The following CACNA1B variants were observed in gnomAD, a reference collection of about 807,000 sequenced individuals.
CACNA1B encodes calcium voltage-gated channel subunit alpha1 B.
In CACNA1B, 70 loss-of-function variants were observed where a neutral mutation model predicts 247.2. That is an observed-to-expected ratio of 0.28 (90% CI 0.23 to 0.35). The LOEUF (loss-of-function observed/expected upper bound fraction) is 0.35, where lower values mean the gene tolerates loss of function less well. Among genes scored for constraint, CACNA1B ranks in the 10% least tolerant of loss-of-function variants. The pLI, the probability that CACNA1B is intolerant of heterozygous loss-of-function variation, is 1.00. For synonymous variants in CACNA1B, 1,231 were observed against 1,294.4 expected (o/e 0.95, Z 1.05); for missense variants, 2,367 against 3,197.4 (o/e 0.74, Z 6.26).
Position 138,120,370 on chromosome 9 carries a change from G to C in CACNA1B, c.6236G>C (p.Gly2079Ala). Residue 2079 changes from glycine to alanine, a missense_variant and splice_region_variant, in exon 45 of 47, where the codon GGC (glycine) becomes GCC (alanine). This residue lies in a region of CACNA1B where 773 missense variants were observed against 779.4 expected (regional missense o/e 0.99). Coordinates refer to ENST00000371372, the MANE Select transcript of CACNA1B (RefSeq NM_000718.4). ...KGPSLSADMD[G>A]APSSAVGPGL... ...CCCAGCCTGTCTGCCGATATGGATG[G>C]CGGTGCGTGCGGAGGGGCCCGGGGA... 6.5e-7 allele frequency: 1 copy of C among 1,548,620 alleles called. No individual in the cohort carries two copies.
Position 138,013,147 on chromosome 9 carries a change from G to C in CACNA1B, c.2179G>C (p.Glu727Gln). 6.2e-7 allele frequency: 1 copy of C among 1,613,476 alleles called. No individual in the cohort carries two copies. Among genetic ancestry groups the C allele is most frequent in the South Asian group, 1.1e-5 (1 of 91,042 alleles). Residue 727 changes from glutamate to glutamine, a missense_variant, in exon 18 of 47, where the codon GAA (glutamate) becomes CAA (glutamine). This residue lies in a region of CACNA1B where 76 missense variants were observed against 191.0 expected (regional missense o/e 0.40). Transcript: ENST00000371372. ...CAAACAGGATGAAGAGGAGATGGAA[G>C]AAGCAGCCAATCAGAAGCTTGCTCT... ...ELTKDEEEME[E>Q]AANQKLALQK...
intron 10 of CACNA1B, among the ~76,000 whole-genome samples, chr9:137,965,084 A>AG (rs1255702573): frequency 1.3e-5 from 2 of 152,222 alleles, no homozygotes; most frequent in Admixed American, 1.3e-4. Flanking sequence ...GCTTTGTCCC[A>AG]GGGGGTGCTG....
chr9:137,900,580 G>A (rs1177030304), intron 3 of CACNA1B, among the ~76,000 whole-genome samples: 2 of 150,022 alleles, frequency 1.3e-5, no homozygotes, highest in Non-Finnish European at 3.0e-5. Context: ...GTGTCTCTGT[G>A]TCCGTGTGTC....
intron 20 of CACNA1B, among the ~76,000 whole-genome samples, chr9:138,034,266 C>T (rs1044525483): frequency 2.0e-5 from 3 of 152,036 alleles, no homozygotes; most frequent in African/African-American, 4.8e-5. Flanking sequence ...CTAGGCTCCC[C>T]GTGTGATCTC....
At chr9:137,945,752 AT>A (rs777628004) in intron 6 of CACNA1B, among the ~76,000 whole-genome samples, 59 of 152,202 alleles carry the variant, frequency 3.9e-4, no homozygotes, top group Non-Finnish European at 7.5e-4. Flanking sequence ...ACTTTCACAA[AT>A]CTTTTTCACG....
At chr9:137,922,396 A>G (rs1052094569) in intron 6 of CACNA1B, among the ~76,000 whole-genome samples, 25 of 139,356 alleles carry the variant, frequency 1.8e-4, no homozygotes, top group East Asian at 4.7e-4. Flanking sequence ...ACACCACACC[A>G]CACAGCATCC....
chr9:138,023,557 C>A lies in CACNA1B; in HGVS notation c.2814C>A (p.His938Gln). 1 of 1,089,850 alleles carries A rather than the reference C, an allele frequency of 9.2e-7. No individual in the cohort carries two copies. The highest frequency in any genetic ancestry group is 1.1e-6 in the Non-Finnish European group (1 of 892,110). 67.5% of individuals were successfully genotyped at this position (1,089,850 alleles called of 1,614,324 possible). A position where few individuals can be genotyped will look rare whatever the true frequency, so the allele number is the denominator to read the frequency against. Reference protein sequence around the residue: ...AEREPRRHRAHRHQDPSKECA... With the variant: ...AEREPRRHRAQRHQDPSKECA... ...GGGAGCCCCGACGCCACCGCGCGCA[C>A]CGGCACCAGGATCCGAGCAAGGAGT... The change falls in exon 19 of 47, where the codon CAC becomes CAA. Residue 938 changes from histidine (H) to glutamine (Q), a missense_variant. Physicochemically the swap from His to Gln is conservative, Grantham distance 24. This residue lies in a region of CACNA1B where 631 missense variants were observed against 631.1 expected (regional missense o/e 1.00). Transcript: ENST00000371372.
At chr9:137,915,258 G>A (rs1957397298) in intron 5 of CACNA1B, among the ~76,000 whole-genome samples, 1 of 152,220 alleles carries the variant, frequency 6.6e-6, no homozygotes, top group Non-Finnish European at 1.5e-5. Context: ...GTCTTATTCT[G>A]AGAGAAACGG....
intron 36 of CACNA1B, among the ~76,000 whole-genome samples, chr9:138,082,200 A>G (rs1417735734): frequency 6.6e-6 from 1 of 151,464 alleles, no homozygotes; most frequent in Admixed American, 6.6e-5. Context: ...ACAGAATGAA[A>G]AGGCAACTCA....
intron 12 of CACNA1B, among the ~76,000 whole-genome samples, chr9:137,979,139 T>A (rs183096689): frequency 3.5e-4 from 53 of 152,354 alleles, no homozygotes; most frequent in African/African-American, 1.3e-3. Context: ...CACATTCTTC[T>A]AACACTTAGC....
intron 18 of CACNA1B, among the ~76,000 whole-genome samples, chr9:138,016,294 A>G (rs1958791397): frequency 6.6e-6 from 1 of 152,242 alleles, no homozygotes; most frequent in South Asian, 2.1e-4. Context: ...GGCCTTGAGA[A>G]GGAGGGGCTG....
Position 138,007,034 on chromosome 9 carries a change from A to T in CACNA1B, c.2092+150A>T. 5.9e-5 allele frequency: 28 copies of T among 475,354 alleles called. No homozygotes were observed. Among genetic ancestry groups the T allele is most frequent in the Non-Finnish European group, 9.8e-5 (24 of 245,726 alleles). 29.4% of individuals were successfully genotyped at this position (475,354 alleles called of 1,614,324 possible). ...TGAGTGCAGATGGAGAACATTCTGC[A>T]GGTGGCCGGAGCGCAGGGCTCTGGA... On this transcript the variant is annotated intron_variant, in intron 16 of 46. Transcript: ENST00000371372. The surrounding 1 kb of genome is among the most constrained non-coding windows in gnomAD (Gnocchi z 4.1).
intron 36 of CACNA1B, among the ~76,000 whole-genome samples, chr9:138,089,810 C>A (rs1189136808): frequency 6.6e-6 from 1 of 152,142 alleles, no homozygotes; most frequent in African/African-American, 2.4e-5. Flanking sequence ...GTACAAAAAT[C>A]AGTAGTGTGT....
rs1440908377 is a variant in CACNA1B, at chr9:137,952,568, C to T, written c.1070+191C>T. 1.3e-5 allele frequency among the ~76,000 whole-genome samples: 2 copies of T among 152,170 alleles called. No homozygotes were observed. Among genetic ancestry groups the T allele is most frequent in the African/African-American group, 4.8e-5 (2 of 41,420 alleles). ...CCTGACCTGTCCTTGATCAGCCTCTCGGCCCCTTATCCCTGTCATACCCCT... is the reference window on the plus strand; with the variant it reads ...CCTGACCTGTCCTTGATCAGCCTCTTGGCCCCTTATCCCTGTCATACCCCT... On this transcript the variant is annotated intron_variant, in intron 7 of 46. Transcript: ENST00000371372. The surrounding 1 kb of genome is among the most constrained non-coding windows in gnomAD (Gnocchi z 4.8).
chr9:138,113,841 T>C (rs1961754698), intron 40 of CACNA1B, among the ~76,000 whole-genome samples: 1 of 143,064 alleles, frequency 7.0e-6, no homozygotes, highest in Non-Finnish European at 1.5e-5. Context: ...CAACTCCATC[T>C]TGTGGGAGAC....
rs1589032506 is a variant in CACNA1B, at chr9:137,957,753, T to C, written c.1333+66T>C. On this transcript the variant is annotated intron_variant, in intron 10 of 46. Coordinates refer to ENST00000371372, the MANE Select transcript of CACNA1B (RefSeq NM_000718.4). This position sits in a 1 kb window ranked among gnomAD's most constrained non-coding sequence, Gnocchi z 4.7. ...CTGGACATGGAGTGCATGCTCCGCT[T>C]CCCCTGCTACCCAGCCACTGTTGGA... 8.6e-7 allele frequency: 1 copy of C among 1,157,200 alleles called. No homozygotes were observed. The highest frequency in any genetic ancestry group is 1.2e-6 in the Non-Finnish European group (1 of 823,486). The allele number at this position is 1,157,200 out of a possible 1,614,324, so 71.7% of individuals were successfully genotyped here. A position where few individuals can be genotyped will look rare whatever the true frequency, so the allele number is the denominator to read the frequency against.
At chr9:137,992,118 C>T (rs1240029656) in intron 15 of CACNA1B, among the ~76,000 whole-genome samples, 1 of 152,070 alleles carries the variant, frequency 6.6e-6, no homozygotes. Flanking sequence ...TGTAAATGAC[C>T]TAAATGCTCC....
rs1028371504 is a variant in CACNA1B, at chr9:137,881,753, C to G, written c.391-991C>G. Among the ~76,000 whole-genome samples the G allele has an allele frequency of 2.0e-5, 3 of 152,250 alleles. No individual in the cohort carries two copies. The highest frequency in any genetic ancestry group is 7.2e-5 in the African/African-American group (3 of 41,474). ...AAGCTCCACACAGCCCCATCTCCAC[C>G]CTGTTTGCTGCTTCCAGCTCGGCAC... On this transcript the variant is annotated intron_variant, in intron 2 of 46. Coordinates refer to ENST00000371372, the MANE Select transcript of CACNA1B (RefSeq NM_000718.4). This position sits in a 1 kb window ranked among gnomAD's most constrained non-coding sequence, Gnocchi z 4.3.
Position 138,023,144 on chromosome 9 carries a change from A to G in CACNA1B, c.2401A>G (p.Thr801Ala). Residue 801 changes from threonine (T) to alanine (A), a missense_variant, in exon 19 of 47, where the codon ACT (threonine) becomes GCT (alanine). Thr to Ala is a moderately conservative substitution (Grantham distance 58). Around this residue, in one of 12 missense-constraint regions of CACNA1B, gnomAD observed 631 missense variants for 631.1 expected, o/e 1.00. Coordinates refer to ENST00000371372, the MANE Select transcript of CACNA1B (RefSeq NM_000718.4). ...MDPEERLRFATTRHLRPDMKT... is the reference protein window; with the variant it reads ...MDPEERLRFAATRHLRPDMKT... ...CCCCGAGGAGCGGCTGCGCTTCGCC[A>G]CTACGCGCCACCTGCGGCCCGACAT... The G allele has an allele frequency of 6.5e-7, 1 of 1,536,410 alleles. No homozygotes were observed. The highest frequency in any genetic ancestry group is 8.7e-7 in the Non-Finnish European group (1 of 1,149,346).
Sources: gnomAD v4.1 joint callset for allele counts (sites outside exome capture counted in the v4.1 genomes callset) on GRCh38, gnomAD v4.1.1 for gene constraint, gnomAD v4.1.1 regional missense constraint, Gnocchi (gnomAD v3.1) non-coding constraint, MANE v1.5 for transcripts, NCBI Gene and HGNC (gene_info 2026-07-23, HGNC 2026-07-21) for gene names.